Variants in FBN2 observed in about 807,000 individuals in gnomAD.
FBN2 encodes fibrillin 2.
Under a neutral mutation model 355.6 loss-of-function variants are expected in FBN2, and 105 were observed. The ratio of observed to expected loss-of-function variants is 0.30; its 90% confidence interval spans 0.25 to 0.35. The LOEUF (loss-of-function observed/expected upper bound fraction) is 0.35, where lower values mean the gene tolerates loss of function less well. Among genes scored for constraint, FBN2 ranks in the 10% least tolerant of loss-of-function variants. The pLI is 1.00. For synonymous variants in FBN2, 1,350 were observed against 1,301.2 expected, an observed-to-expected ratio of 1.04 and a Z score of -0.81; for missense variants, 3,280 against 3,758.7, an observed-to-expected ratio of 0.87 and a Z score of 3.33.
At chr5:128,351,779 T>C (rs946418232) in intron 20 of FBN2, among the ~76,000 whole-genome samples, 7 of 152,066 alleles carry the variant, frequency 4.6e-5, no homozygotes, top group African/African-American at 1.7e-4. Context: ...CAGGTTGGTC[T>C]GGTTTGGAAC....
intron 7 of FBN2, among the ~76,000 whole-genome samples, chr5:128,433,613 T>C (rs1161421601): frequency 6.6e-6 from 1 of 152,188 alleles, no homozygotes; most frequent in Non-Finnish European, 1.5e-5. Context: ...CTGAAGAATA[T>C]GTTTACGCTT....
chr5:128,281,905 T>C (rs1051712104), intron 55 of FBN2, among the ~76,000 whole-genome samples: 2 of 152,090 alleles, frequency 1.3e-5, no homozygotes, highest in African/African-American at 4.8e-5. Flanking sequence ...TTAGCCAGGA[T>C]AGTCTCAATC....
intron 33 of FBN2, among the ~76,000 whole-genome samples, chr5:128,329,226 G>C (rs1422983551): frequency 6.6e-6 from 1 of 152,020 alleles, no homozygotes; most frequent in Non-Finnish European, 1.5e-5. Flanking sequence ...ATAAATAACT[G>C]GCTTTTTCAC....
chr5:128,511,248 G>C (rs958714521), intron 5 of FBN2, among the ~76,000 whole-genome samples: 1 of 152,176 alleles, frequency 6.6e-6, no homozygotes, highest in Non-Finnish European at 1.5e-5. Flanking sequence ...AATGACGTTT[G>C]TGGAGAACTG....
intron 7 of FBN2, among the ~76,000 whole-genome samples, chr5:128,434,669 A>G (rs1561005): frequency 0.095 from 14,336 of 151,640 alleles, 752 homozygotes; most frequent in Non-Finnish European, 0.13. Flanking sequence ...GAATATAAAG[A>G]TACATATGAA....
chr5:128,416,501 G>T (rs1753203208), intron 7 of FBN2, among the ~76,000 whole-genome samples: 2 of 152,218 alleles, frequency 1.3e-5, no homozygotes, highest in East Asian at 1.9e-4. Flanking sequence ...ATGTCCTGGA[G>T]TGTTTCCCAT....
At chr5:128,344,256 A>G (rs1751106357) in intron 25 of FBN2, 129 bp downstream of exon 25, 7 of 985,796 alleles carry the variant, frequency 7.1e-6, no homozygotes, top group South Asian at 1.5e-5. Context: ...TTCTCTAAAA[A>G]GAAATTAATA....
chr5:128,287,729 A>G (rs1749196663), intron 53 of FBN2, among the ~76,000 whole-genome samples: 1 of 152,194 alleles, frequency 6.6e-6, no homozygotes, highest in South Asian at 2.1e-4. Context: ...ATTACCCTCC[A>G]GATGACCATG....
chr5:128,380,239 TAATA>T (rs905386981), intron 11 of FBN2, among the ~76,000 whole-genome samples: 27 of 152,084 alleles, frequency 1.8e-4, no homozygotes, highest in African/African-American at 6.5e-4. Context: ...ATATAAAGTA[TAATA>T]AATAGACTTT....
intron 34 of FBN2, among the ~76,000 whole-genome samples, chr5:128,320,416 G>A (rs1380646445): frequency 6.6e-6 from 1 of 151,998 alleles, no homozygotes; most frequent in Non-Finnish European, 1.5e-5. Context: ...GTCTCCCTAT[G>A]TGGCCTAGGT....
intron 33 of FBN2, 100 bp downstream of exon 33, chr5:128,330,473 T>C: frequency 7.9e-7 from 1 of 1,266,040 alleles, no homozygotes; most frequent in Non-Finnish European, 1.1e-6. Context: ...AAAGAGGTAG[T>C]TACTTTTGTC....
intron 57 of FBN2, 122 bp from the exon 58 acceptor site, chr5:128,278,127 C>T (rs894975618): frequency 5.0e-5 from 47 of 940,034 alleles, no homozygotes; most frequent in Middle Eastern, 2.2e-4. Flanking sequence ...TTCCTAATAG[C>T]ACTGGAGCAC....
intron 11 of FBN2, among the ~76,000 whole-genome samples, chr5:128,390,684 C>A (rs1192733147): frequency 2.0e-5 from 3 of 152,198 alleles, no homozygotes; most frequent in Non-Finnish European, 2.9e-5. Context: ...TTGAGTTGTG[C>A]ACTCCATTAG....
chr5:128,317,517 C>T (rs1750238843), intron 36 of FBN2, among the ~76,000 whole-genome samples: 1 of 152,196 alleles, frequency 6.6e-6, no homozygotes, highest in African/African-American at 2.4e-5. Context: ...GATTTCTACT[C>T]AAGCAAGGAA....
chr5:128,440,588 A>T (rs922161513), intron 7 of FBN2, among the ~76,000 whole-genome samples: 1 of 152,216 alleles, frequency 6.6e-6, no homozygotes, highest in Non-Finnish European at 1.5e-5. Flanking sequence ...CCCCTCTTCC[A>T]GCATTGGGGA....
At chr5:128,442,503 A>G (rs910233088) in intron 7 of FBN2, 2 of 333,740 alleles carry the variant, frequency 6.0e-6, no homozygotes, top group Non-Finnish European at 1.2e-5. Context: ...ATTTAAATTA[A>G]TGGATGTTTG....
intron 2 of FBN2, 112 bp downstream of exon 2, chr5:128,536,290 T>C (rs1245189141): frequency 2.5e-6 from 2 of 808,210 alleles, no homozygotes; most frequent in South Asian, 2.9e-5. Flanking sequence ...CAGTGCAATG[T>C]GATCACTTGA....
At chr5:128,446,360 G>T in intron 7 of FBN2, 121 bp downstream of exon 7, 1 of 1,055,912 alleles carries the variant, frequency 9.5e-7, no homozygotes, top group Non-Finnish European at 1.4e-6. Flanking sequence ...TTAAACCTAT[G>T]CTTTCATAGT....
chr5:128,420,861 A>T (rs1395165620), intron 7 of FBN2, among the ~76,000 whole-genome samples: 1 of 152,230 alleles, frequency 6.6e-6, no homozygotes, highest in East Asian at 1.9e-4. Flanking sequence ...ATGTGAAACA[A>T]GGCACAATAT....
Sources: allele counts gnomAD v4.1 joint callset (sites outside exome capture counted in the v4.1 genomes callset), GRCh38; gene constraint gnomAD v4.1.1; transcripts MANE v1.5; gene names NCBI Gene and HGNC (gene_info 2026-07-23, HGNC 2026-07-21).